The following PPM1H variants were observed in gnomAD, a reference collection of about 807,000 sequenced individuals.
PPM1H encodes protein phosphatase, Mg2+/Mn2+ dependent 1H.
PPM1H carries 27 observed loss-of-function variants against 54.9 expected under a neutral mutation model. The ratio of observed to expected loss-of-function variants is 0.49; its 90% CI spans 0.36 to 0.68. The LOEUF is 0.68. Among genes scored for constraint, PPM1H ranks in the 30% least tolerant of loss-of-function variants. The pLI is 0.00. For synonymous variants in PPM1H, 305 were observed against 270.8 expected, an observed-to-expected ratio of 1.13 and a Z score of -1.24; for missense variants, 596 against 667.8, an observed-to-expected ratio of 0.89 and a Z score of 1.19.
chr12:62,755,417 G>A, intron 4 of PPM1H: 1 of 726,578 alleles, frequency 1.4e-6, no homozygotes, highest in South Asian at 1.4e-5. Flanking sequence ...GCTGAGAATG[G>A]GAAGCTTGTC....
At chr12:62,928,631 G>A (rs541508412) in intron 1 of PPM1H, among the ~76,000 whole-genome samples, 11 of 152,118 alleles carry the variant, frequency 7.2e-5, no homozygotes, top group Non-Finnish European at 1.0e-4. Flanking sequence ...CAACGTTGGC[G>A]CCAATCCTGT....
intron 4 of PPM1H, among the ~76,000 whole-genome samples, chr12:62,747,229 C>T (rs2076417919): frequency 6.6e-6 from 1 of 152,008 alleles, no homozygotes; most frequent in Non-Finnish European, 1.5e-5. Flanking sequence ...CTCCGCCTCC[C>T]AGGTTCAAGT....
chr12:62,849,129 C>T (rs763541652), intron 1 of PPM1H, among the ~76,000 whole-genome samples: 19 of 152,052 alleles, frequency 1.2e-4, no homozygotes, highest in Non-Finnish European at 2.2e-4. Flanking sequence ...TTTCCCAAGG[C>T]GGAAGTGGCT....
At chr12:62,692,176 G>C (rs942865393) in intron 7 of PPM1H, among the ~76,000 whole-genome samples, 2 of 152,136 alleles carry the variant, frequency 1.3e-5, no homozygotes, top group African/African-American at 4.8e-5. Context: ...GATCTAGAAG[G>C]AGCTCCAAGA....
intron 1 of PPM1H, among the ~76,000 whole-genome samples, chr12:62,896,346 C>T (rs1471003448): frequency 6.6e-6 from 1 of 152,120 alleles, no homozygotes; most frequent in African/African-American, 2.4e-5. Context: ...TTGCAATCTA[C>T]CCATCTGACA....
chr12:62,746,201 A>C (rs1249003699), intron 4 of PPM1H, among the ~76,000 whole-genome samples: 1 of 152,120 alleles, frequency 6.6e-6, no homozygotes, highest in Non-Finnish European at 1.5e-5. Flanking sequence ...TCTCAAAAAA[A>C]AAACAAAAAC....
intron 5 of PPM1H, among the ~76,000 whole-genome samples, chr12:62,733,118 C>T (rs530522148): frequency 2.6e-5 from 4 of 152,252 alleles, no homozygotes; most frequent in South Asian, 2.1e-4. Flanking sequence ...TATTGCTACC[C>T]GTTTCATTCA....
rs565805142 is a variant in PPM1H, at chr12:62,828,274, G to A, written c.411+3840C>T. On this transcript the variant is annotated intron_variant, in intron 2 of 9. Transcript: ENST00000228705. ...GTGACCTTCAATGTCCTTCCCGACT[G>A]GCTCACTCCACTCCTATGACTTTTC... Among the ~76,000 whole-genome samples the A allele has an allele frequency of 3.3e-5, 5 of 152,254 alleles. 1 individual carries two copies. The highest frequency in any genetic ancestry group is 1.2e-4 in the African/African-American group (5 of 41,544).
At chr12:62,821,007 GA>G (rs1845327321) in intron 2 of PPM1H, among the ~76,000 whole-genome samples, 1 of 152,166 alleles carries the variant, frequency 6.6e-6, no homozygotes. Context: ...CCATTGCAAA[GA>G]AGCTAAAAAC....
At chr12:62,667,573 T>G (rs540386567) in intron 8 of PPM1H, among the ~76,000 whole-genome samples, 15 of 152,178 alleles carry the variant, frequency 9.9e-5, no homozygotes, top group African/African-American at 3.4e-4. Context: ...GGCTTAGTAA[T>G]TGACATAGAA....
chr12:62,853,734 C>A (rs2120943886), intron 1 of PPM1H, among the ~76,000 whole-genome samples: 1 of 152,258 alleles, frequency 6.6e-6, no homozygotes, highest in Non-Finnish European at 1.5e-5. Flanking sequence ...ATAAAGGGAA[C>A]AACATCCTCA....
intron 5 of PPM1H, among the ~76,000 whole-genome samples, chr12:62,724,444 G>A (rs573092104): frequency 1.3e-5 from 2 of 152,242 alleles, no homozygotes; most frequent in Admixed American, 6.5e-5. Flanking sequence ...CATTTGCCTG[G>A]GTGGCTGCGT....
chr12:62,755,936 A>C (rs572830186), intron 4 of PPM1H: 1 of 830,014 alleles, frequency 1.2e-6, no homozygotes, highest in East Asian at 2.5e-5. Flanking sequence ...CTGTGTCCCT[A>C]CTGCCAATGT....
intron 1 of PPM1H, among the ~76,000 whole-genome samples, chr12:62,845,843 T>TTC (rs1868945999): frequency 6.6e-6 from 1 of 152,126 alleles, no homozygotes; most frequent in South Asian, 2.1e-4. Context: ...CTATATTCAT[T>TTC]TCTCCTTCCT....
chr12:62,755,047 C>A (rs994859993), intron 4 of PPM1H, among the ~76,000 whole-genome samples: 4 of 152,270 alleles, frequency 2.6e-5, no homozygotes, highest in African/African-American at 7.2e-5. Flanking sequence ...GGCCAAGGAG[C>A]GACCTGGATG....
intron 1 of PPM1H, among the ~76,000 whole-genome samples, chr12:62,863,784 T>C (rs1869686566): frequency 6.6e-6 from 1 of 152,180 alleles, no homozygotes; most frequent in Non-Finnish European, 1.5e-5. Flanking sequence ...ATTTTCTCAT[T>C]TGACAGACAC....
chr12:62,873,722 G>C (rs1009110434), intron 1 of PPM1H, among the ~76,000 whole-genome samples: 2 of 152,176 alleles, frequency 1.3e-5, no homozygotes, highest in Non-Finnish European at 2.9e-5. Flanking sequence ...TGATGCATCA[G>C]GCTGTGTAAA....
intron 4 of PPM1H, 68 bp from the exon 5 acceptor site, chr12:62,737,654 C>T: frequency 8.6e-7 from 1 of 1,164,074 alleles, no homozygotes; most frequent in Non-Finnish European, 1.2e-6. Context: ...ACAACCATTG[C>T]TTGGTTCAGG....
chr12:62,919,440 G>C (rs567727330), intron 1 of PPM1H, among the ~76,000 whole-genome samples: 1 of 152,116 alleles, frequency 6.6e-6, no homozygotes, highest in East Asian at 1.9e-4. Context: ...GGTGGGGGCT[G>C]GGGGAGAAGC....
Sources: allele counts gnomAD v4.1 joint callset (sites outside exome capture counted in the v4.1 genomes callset), GRCh38; gene constraint gnomAD v4.1.1; transcripts MANE v1.5; gene names NCBI Gene and HGNC (gene_info 2026-07-23, HGNC 2026-07-21).